Variants in SLC25A13 observed in about 807,000 individuals in gnomAD.
The protein encoded by SLC25A13 is solute carrier family 25 member 13, also known as electrogenic aspartate/glutamate antiporter SLC25A13, mitochondrial.
A neutral mutation model predicts 85.5 loss-of-function variants in SLC25A13; 70 were observed. That is an observed-to-expected ratio of 0.82 (90% CI 0.68 to 1.00). SLC25A13 has a LOEUF of 1.00. SLC25A13 is among the 50% of genes least tolerant of loss of function. The pLI is 0.00. For synonymous variants in SLC25A13, 259 were observed against 288.7 expected, an observed-to-expected ratio of 0.90 and a Z score of 1.04; for missense variants, 765 against 819.8, an observed-to-expected ratio of 0.93 and a Z score of 0.82.
rs113911342 is a variant in SLC25A13 at position 96,319,803 on chromosome 7, A to G, written c.15+2139T>C. ...AAGTATATATGATGTGAGCCATCAG[A>G]TATCACAGAAAGAGGTGAGTGCAAA... On this transcript the variant is annotated intron_variant, in intron 1 of 17. Transcript: ENST00000265631. Among the ~76,000 whole-genome samples the G allele has an allele frequency of 1.0e-3, 158 of 152,310 alleles. 1 individual carries two copies. The highest frequency in any genetic ancestry group is 3.7e-3 in the African/African-American group (154 of 41,560).
chr7:96,212,927 A>G (rs1290755957), intron 4 of SLC25A13, among the ~76,000 whole-genome samples: 2 of 152,234 alleles, frequency 1.3e-5, no homozygotes, highest in Non-Finnish European at 2.9e-5. Context: ...TATGTACTCA[A>G]ATATCATAAG....
chr7:96,313,596 C>T (rs901196312), intron 1 of SLC25A13, among the ~76,000 whole-genome samples: 1 of 151,832 alleles, frequency 6.6e-6, no homozygotes, highest in African/African-American at 2.4e-5. Flanking sequence ...CAACAATAGA[C>T]ACTGGGGACT....
chr7:96,184,261 AGC>A lies in SLC25A13; in HGVS notation c.1177+14_1177+15del. 1 of 1,614,066 alleles carries A rather than the reference AGC, an allele frequency of 6.2e-7. No individual in the cohort carries two copies. ...GTGTTATTTCACCTAACAGGTATTG[AGC>A]ATGTGGCACTAACCTCTATACAGTC... On this transcript the variant is annotated intron_variant, in intron 11 of 17. Coordinates refer to ENST00000265631, the MANE Select transcript of SLC25A13 (RefSeq NM_014251.3).
chr7:96,281,529 T>A, intron 2 of SLC25A13, among the ~76,000 whole-genome samples: 1 of 152,058 alleles, frequency 6.6e-6, no homozygotes, highest in Non-Finnish European at 1.5e-5. Context: ...AGGCAAAACT[T>A]ACATACAGTT....
chr7:96,262,478 G>T (rs1304825916), intron 3 of SLC25A13, among the ~76,000 whole-genome samples: 1 of 151,398 alleles, frequency 6.6e-6, no homozygotes, highest in African/African-American at 2.4e-5. Context: ...TTCAATATAA[G>T]AACAGTAAAA....
intron 5 of SLC25A13, among the ~76,000 whole-genome samples, chr7:96,198,717 G>T (rs1192450576): frequency 6.6e-6 from 1 of 152,014 alleles, no homozygotes; most frequent in Non-Finnish European, 1.5e-5. Context: ...TAAATAAGGG[G>T]GTCATAACTA....
Position 96,126,016 on chromosome 7 carries a change from T to C in SLC25A13, c.1592-4019A>G, listed in dbSNP as rs73708475. Among the ~76,000 whole-genome samples the C allele has an allele frequency of 1.8e-3, 276 of 152,332 alleles. 2 individuals are homozygous for C. Among genetic ancestry groups the C allele is most frequent in the African/African-American group, 6.3e-3 (262 of 41,582 alleles). Reference sequence around the variant, plus strand: ...CTCTAATTCTTCTGTTCACTTACTTTGTTGCTCCTTCATGGCTGGGGATCT... The same window carrying C: ...CTCTAATTCTTCTGTTCACTTACTTCGTTGCTCCTTCATGGCTGGGGATCT... On this transcript the variant is annotated intron_variant, in intron 15 of 17. Transcript: ENST00000265631.
chr7:96,314,530 T>C (rs936162439), intron 1 of SLC25A13, among the ~76,000 whole-genome samples: 17 of 152,240 alleles, frequency 1.1e-4, no homozygotes, highest in African/African-American at 4.1e-4. Context: ...GCGTCACACA[T>C]TCCTCTGTTG....
At chr7:96,205,655 C>T (rs1202460570) in intron 5 of SLC25A13, among the ~76,000 whole-genome samples, 1 of 152,154 alleles carries the variant, frequency 6.6e-6, no homozygotes, top group African/African-American at 2.4e-5. Context: ...TCAAGTTTAG[C>T]TCAAATAATA....
At chr7:96,127,580 C>T (rs1791781801) in intron 15 of SLC25A13, among the ~76,000 whole-genome samples, 1 of 152,138 alleles carries the variant, frequency 6.6e-6, no homozygotes, top group African/African-American at 2.4e-5. Context: ...AGTGAGATAA[C>T]ATTACTGAAT....
chr7:96,291,473 A>C (rs1464625632), intron 2 of SLC25A13, among the ~76,000 whole-genome samples: 1 of 152,206 alleles, frequency 6.6e-6, no homozygotes, highest in African/African-American at 2.4e-5. Flanking sequence ...CCCTTCCAAA[A>C]ATTAATGAAT....
At chr7:96,205,015 C>T (rs144293204) in intron 5 of SLC25A13, among the ~76,000 whole-genome samples, 1,608 of 152,300 alleles carry the variant, frequency 0.011, 22 homozygotes, top group Non-Finnish European at 9.9e-3. Context: ...TTCAGCGATT[C>T]TCCTGCCTCA....
chr7:96,273,661 TAA>T (rs1464243839), intron 3 of SLC25A13, among the ~76,000 whole-genome samples: 1 of 152,194 alleles, frequency 6.6e-6, no homozygotes, highest in Non-Finnish European at 1.5e-5. Context: ...AAAATTTTAA[TAA>T]AAAGTCAATC....
intron 1 of SLC25A13, among the ~76,000 whole-genome samples, chr7:96,307,712 G>A (rs1389837209): frequency 6.6e-6 from 1 of 152,040 alleles, no homozygotes; most frequent in Non-Finnish European, 1.5e-5. Context: ...TGCACTTTTT[G>A]GGAAATTTCC....
chr7:96,160,110 A>C (rs1391445880), intron 13 of SLC25A13, among the ~76,000 whole-genome samples: 1 of 152,218 alleles, frequency 6.6e-6, no homozygotes, highest in African/African-American at 2.4e-5. Flanking sequence ...TCAATGTCTA[A>C]AGTACCTTAA....
chr7:96,198,495 A>C (rs768693497), intron 5 of SLC25A13, among the ~76,000 whole-genome samples: 11 of 152,228 alleles, frequency 7.2e-5, no homozygotes, highest in Admixed American at 1.3e-4. Context: ...AGAACTTCAA[A>C]GACAGCATTT....
chr7:96,128,754 TAA>T (rs1791844441), intron 15 of SLC25A13, among the ~76,000 whole-genome samples: 1 of 38,350 alleles, frequency 2.6e-5, no homozygotes, highest in Non-Finnish European at 5.2e-5. Flanking sequence ...ACTTAAAGTA[TAA>T]TAATAATAAT....
chr7:96,149,885 A>C (rs1204399435), intron 13 of SLC25A13, among the ~76,000 whole-genome samples: 1 of 152,234 alleles, frequency 6.6e-6, no homozygotes, highest in Non-Finnish European at 1.5e-5. Flanking sequence ...ATCGGCAGAC[A>C]ATGGACAGGA....
intron 3 of SLC25A13, among the ~76,000 whole-genome samples, chr7:96,262,473 T>C (rs1797889281): frequency 2.6e-5 from 4 of 151,692 alleles, no homozygotes; most frequent in African/African-American, 9.7e-5. Flanking sequence ...CAAGGTTCAA[T>C]ATAAGAACAG....
Sources: allele counts gnomAD v4.1 joint callset (sites outside exome capture counted in the v4.1 genomes callset), GRCh38; gene constraint gnomAD v4.1.1; transcripts MANE v1.5; gene names NCBI Gene and HGNC (gene_info 2026-07-23, HGNC 2026-07-21).